SCUBE3: variants seen among roughly 807,000 people sequenced by gnomAD.
SCUBE3 encodes the protein signal peptide, CUB and EGF-like domain-containing protein 3.
SCUBE3 carries 33 observed loss-of-function variants against 116.8 expected under a neutral mutation model. The observed-to-expected ratio is 0.28, with a 90% CI of 0.21 to 0.38. The LOEUF (loss-of-function observed/expected upper bound fraction) is 0.38. SCUBE3 is among the 10% of genes least tolerant of loss of function. The probability of loss-of-function intolerance (pLI) is 1.00; values close to 1 mark genes in which losing one functional copy is unlikely to be tolerated. For synonymous variants in SCUBE3, 418 were observed against 496.9 expected (o/e 0.84, Z 2.11); for missense variants, 1,007 against 1,324.8 (o/e 0.76, Z 3.72).
chr6:35,220,326 C>A (rs1231425088), intron 1 of SCUBE3: 1 of 152,170 alleles, frequency 6.6e-6, no homozygotes. Flanking sequence ...TTGAAGACCA[C>A]GTGAACCAAC....
chr6:35,219,019 C>T lies in SCUBE3; in HGVS notation c.85+4516C>T, dbSNP rs544417646. On this transcript the variant is annotated intron_variant, in intron 1 of 21. Transcript: ENST00000274938. This position sits in a 1 kb window ranked among gnomAD's most constrained non-coding sequence, Gnocchi z 4.7. ...CCTTCCTGCTGAAGGCAGAAGGCGCCGGGCCTCCACAGGTTACTCACCCAA... is the reference window on the plus strand; with the variant it reads ...CCTTCCTGCTGAAGGCAGAAGGCGCTGGGCCTCCACAGGTTACTCACCCAA... Among the ~76,000 whole-genome samples, 22 of 152,250 alleles carry T rather than the reference C, an allele frequency of 1.4e-4. No homozygotes were observed. Among genetic ancestry groups the T allele is most frequent in the South Asian group, 8.3e-4 (4 of 4,820 alleles).
At chr6:35,247,869 C>G (rs1173956125) in intron 21 of SCUBE3, among the ~76,000 whole-genome samples, 1 of 152,158 alleles carries the variant, frequency 6.6e-6, no homozygotes, top group Non-Finnish European at 1.5e-5. Context: ...ACAGGGTGGT[C>G]AGGAAAGGCC....
In SCUBE3 at chr6:35,232,098, C is replaced by T. The variant is rs964617351; in HGVS notation, c.469+239C>T. Among the ~76,000 whole-genome samples, 3 of 152,196 alleles carry T rather than the reference C, an allele frequency of 2.0e-5. No homozygotes were observed. Among genetic ancestry groups the T allele is most frequent in the East Asian group, 1.9e-4 (1 of 5,204 alleles). ...TGGGATTAAGGCTACTATGGAGTATCCTCTGTGTCCAGACCTGAGGTGGAT... is the reference window on the plus strand; with the variant it reads ...TGGGATTAAGGCTACTATGGAGTATTCTCTGTGTCCAGACCTGAGGTGGAT... On this transcript the variant is annotated intron_variant, in intron 4 of 21. Transcript: ENST00000274938. This position sits in a 1 kb window ranked among gnomAD's most constrained non-coding sequence, Gnocchi z 4.2.
chr6:35,239,660 G>A lies in SCUBE3; in HGVS notation c.830-92G>A. On this transcript the variant is annotated intron_variant, in intron 7 of 21. Coordinates refer to ENST00000274938, the MANE Select transcript of SCUBE3 (RefSeq NM_152753.4). The surrounding 1 kb of genome is among the most constrained non-coding windows in gnomAD (Gnocchi z 4.1). Reference sequence around the variant, plus strand: ...GCAGGCCCAGGACTCCTTGATTTTTGCATGTCTCTGTCAGTGAGGGAGGGA... The same window carrying A: ...GCAGGCCCAGGACTCCTTGATTTTTACATGTCTCTGTCAGTGAGGGAGGGA... 8.2e-7 allele frequency: 1 copy of A among 1,219,288 alleles called. No individual in the cohort carries two copies. Among genetic ancestry groups the A allele is most frequent in the South Asian group, 1.3e-5 (1 of 75,342 alleles). 75.5% of individuals were successfully genotyped at this position (1,219,288 alleles called of 1,614,324 possible).
At position 35,244,862 on chromosome 6, in the gene SCUBE3, G is replaced by C. The variant is rs1487435925; in HGVS notation, c.2401+51G>C. ...AAGGGAGGAGAGAGGCCTGGGAGCA[G>C]TGGACATCTAAAGGAGGGGTGTGAA... On this transcript the variant is annotated intron_variant, in intron 18 of 21. Transcript: ENST00000274938. This position sits in a 1 kb window ranked among gnomAD's most constrained non-coding sequence, Gnocchi z 4.3. 6.3e-7 allele frequency: 1 copy of C among 1,580,096 alleles called. No individual in the cohort carries two copies. The highest frequency in any genetic ancestry group is 1.1e-5 in the South Asian group (1 of 89,470).
rs1035198106 is a variant in SCUBE3, at chr6:35,240,094, C to T, written c.952+220C>T. Among the ~76,000 whole-genome samples, 2 of 152,184 alleles carry T rather than the reference C, an allele frequency of 1.3e-5. No homozygotes were observed. Among genetic ancestry groups the T allele is most frequent in the African/African-American group, 4.8e-5 (2 of 41,446 alleles). ...GCAAGGACTGAGGGATGGATTTCAC[C>T]CCAATTCATATCCTTGGCAGAGTAG... On this transcript the variant is annotated intron_variant, in intron 8 of 21. Coordinates refer to ENST00000274938, the MANE Select transcript of SCUBE3 (RefSeq NM_152753.4). The surrounding 1 kb of genome is among the most constrained non-coding windows in gnomAD (Gnocchi z 4.6).
Position 35,228,580 on chromosome 6 carries a change from G to T in SCUBE3, c.209-34G>T. The T allele has an allele frequency of 6.2e-7, 1 of 1,610,224 alleles. No individual in the cohort carries two copies. ...GGGGGTGGACAGTGGGTTCGCAGGT[G>T]GGTTCAGCTGTCTCAGCTTCCCTTT... On this transcript the variant is annotated intron_variant, in intron 2 of 21. Coordinates refer to ENST00000274938, the MANE Select transcript of SCUBE3 (RefSeq NM_152753.4). The surrounding 1 kb of genome is among the most constrained non-coding windows in gnomAD (Gnocchi z 4.9).
At position 35,243,367 on chromosome 6, in the gene SCUBE3, C is replaced by T; in HGVS notation, c.1909+131C>T. On this transcript the variant is annotated intron_variant, in intron 15 of 21. Transcript: ENST00000274938. This position sits in a 1 kb window ranked among gnomAD's most constrained non-coding sequence, Gnocchi z 6.6. ...AGCCAGGATGCTCCTGCCCGCTGTC[C>T]TCCCTTCCTTGGTTCCAGGCTGAAA... is the stretch of plus-strand genomic sequence containing the variant. The T allele has an allele frequency of 1.1e-6, 1 of 893,924 alleles. No individual in the cohort carries two copies. Among genetic ancestry groups the T allele is most frequent in the Non-Finnish European group, 1.7e-6 (1 of 580,666 alleles). The allele number at this position is 893,924 out of a possible 1,614,324, so 55.4% of individuals were successfully genotyped here. A position where few individuals can be genotyped will look rare whatever the true frequency, so the allele number is the denominator to read the frequency against.
rs1399508732 is a variant in SCUBE3 at position 35,228,806 on chromosome 6, C to T, written c.334+67C>T. ...GAGAAAGAGATCTTTTCAGCATTTC[C>T]TATTTCCCAGGGAAGGAGGAGAGAG... On this transcript the variant is annotated intron_variant, in intron 3 of 21. Coordinates refer to ENST00000274938, the MANE Select transcript of SCUBE3 (RefSeq NM_152753.4). The surrounding 1 kb of genome is among the most constrained non-coding windows in gnomAD (Gnocchi z 4.9). 3 of 1,528,258 alleles carry T rather than the reference C, an allele frequency of 2.0e-6. No individual in the cohort carries two copies. The highest frequency in any genetic ancestry group is 1.4e-5 in the African/African-American group (1 of 73,344). The allele number at this position is 1,528,258 out of a possible 1,614,324, so 94.7% of individuals were successfully genotyped here.
At chr6:35,238,051 C>T (rs926574130) in intron 7 of SCUBE3, 33 bp downstream of exon 7, 1 of 1,344,048 alleles carries the variant, frequency 7.4e-7, no homozygotes, top group Non-Finnish European at 1.1e-6. Context: ...AGCAGAGTGA[C>T]CTTTGGTAAG....
chr6:35,236,332 G>A (rs1033467276), intron 6 of SCUBE3, among the ~76,000 whole-genome samples: 1 of 152,222 alleles, frequency 6.6e-6, no homozygotes, highest in African/African-American at 2.4e-5. Flanking sequence ...GATGGACATT[G>A]TGCCAGCTCT....
At chr6:35,227,724 G>C in intron 2 of SCUBE3, 22 bp downstream of exon 2, 1 of 1,613,756 alleles carries the variant, frequency 6.2e-7, no homozygotes, top group Non-Finnish European at 8.5e-7. Context: ...AGGGCACCTG[G>C]AGGAGAGGGA....
rs1335137022 is a variant in SCUBE3 at position 35,249,459 on chromosome 6, C to T, written c.*754C>T. On this transcript the variant is annotated 3_prime_UTR_variant, in exon 22 of 22. Coordinates refer to ENST00000274938, the MANE Select transcript of SCUBE3 (RefSeq NM_152753.4). ...GCTCCCTGAGAGAAAGACTGTAACT[C>T]TGCAGGACAGAAACAAGGTTTTAAA... The T allele has an allele frequency of 6.6e-6, 1 of 152,220 alleles. No homozygotes were observed. The highest frequency in any genetic ancestry group is 2.4e-5 in the African/African-American group (1 of 41,422). 9.4% of individuals were successfully genotyped at this position (152,220 alleles called of 1,614,324 possible).
chr6:35,244,691 C>A lies in SCUBE3; in HGVS notation c.2281C>A (p.Arg761Ser), dbSNP rs200587657. 23 of 1,614,028 alleles carry A rather than the reference C, an allele frequency of 1.4e-5. No individual in the cohort carries two copies. Among genetic ancestry groups the A allele is most frequent in the Admixed American group, 8.3e-5 (5 of 60,004 alleles). The change falls in exon 18 of 22, where the codon CGC (arginine) becomes AGC (serine). Residue 761 changes from arginine (R) to serine (S), a missense_variant. Arg to Ser is a moderately radical substitution (Grantham distance 110, BLOSUM62 -1). Around this residue, in one of 5 missense-constraint regions of SCUBE3, gnomAD observed 544 missense variants for 638.9 expected, o/e 0.85. Transcript: ENST00000274938. The surrounding 1 kb of genome is among the most constrained non-coding windows in gnomAD (Gnocchi z 4.3). Reference sequence around the variant, plus strand: ...GCACTACTACAACACCAGCATCCACCGCTGTATTCGCTGTGCCATGGGCTC... The same window carrying A: ...GCACTACTACAACACCAGCATCCACAGCTGTATTCGCTGTGCCATGGGCTC... ...PGHYYNTSIH[R>S]CIRCAMGSYQ...
intron 1 of SCUBE3, chr6:35,224,087 C>G (rs903566983): frequency 6.6e-6 from 1 of 152,128 alleles, no homozygotes; most frequent in Admixed American, 6.5e-5. Flanking sequence ...AAAATTTGAG[C>G]TGGAATGGAA....
In SCUBE3 at chr6:35,232,989, G is replaced by A. The variant is rs770031842; in HGVS notation, c.595+14G>A. On this transcript the variant is annotated intron_variant, in intron 5 of 21. Transcript: ENST00000274938. This position sits in a 1 kb window ranked among gnomAD's most constrained non-coding sequence, Gnocchi z 4.2. ...GGGACTGTAAATGTGAGATAATTGG[G>A]ATGGCAGGTGGGGCAGTGGGGTCGG... The A allele has an allele frequency of 3.7e-6, 6 of 1,613,570 alleles. No individual in the cohort carries two copies. In the African/African-American group the frequency reaches 4.0e-5, roughly 11 times the overall value.
chr6:35,242,706 G>A lies in SCUBE3; in HGVS notation c.1619G>A (p.Arg540Gln), dbSNP rs751685210. The change falls in exon 14 of 22, where the codon CGG becomes CAG. Residue 540 changes from arginine (R) to glutamine (Q), a missense_variant. By Grantham distance (43) the Arg-to-Gln change is conservative (BLOSUM62 1). This residue lies in a region of SCUBE3 where 544 missense variants were observed against 638.9 expected (regional missense o/e 0.85). Transcript: ENST00000274938. ...SSRKGKGRRA[R>Q]TPPGKEVTRL... Reference sequence around the variant, plus strand: ...CGGAAGGGCAAGGGCCGACGGGCCCGGACCCCTCCAGGCAAAGAGGTCACA... The same window carrying A: ...CGGAAGGGCAAGGGCCGACGGGCCCAGACCCCTCCAGGCAAAGAGGTCACA... 12 of 1,614,016 alleles carry A rather than the reference G, an allele frequency of 7.4e-6. No homozygotes were observed. The highest frequency in any genetic ancestry group is 2.7e-5 in the African/African-American group (2 of 74,932).
chr6:35,242,065 C>T, intron 12 of SCUBE3, 139 bp from the exon 13 acceptor site: 1 of 840,344 alleles, frequency 1.2e-6, no homozygotes, highest in East Asian at 2.4e-5. Context: ...TCTGCCCTAA[C>T]ATCTGATCCC....
At position 35,250,227 on chromosome 6, in the gene SCUBE3, T is replaced by C. The variant is rs577670460; in HGVS notation, c.*1522T>C. The C allele has an allele frequency of 6.6e-6, 1 of 152,406 alleles. No individual in the cohort carries two copies. Among genetic ancestry groups the C allele is most frequent in the Admixed American group, 6.5e-5 (1 of 15,304 alleles). 9.4% of individuals were successfully genotyped at this position (152,406 alleles called of 1,614,324 possible). On this transcript the variant is annotated 3_prime_UTR_variant, in exon 22 of 22. Coordinates refer to ENST00000274938, the MANE Select transcript of SCUBE3 (RefSeq NM_152753.4). ...TGCTAAACCAATCTTGCTATCCCTA[T>C]GCCTCTCCATGGAGTCAGTGTGGAC...
Sources: gnomAD v4.1 joint callset for allele counts (sites outside exome capture counted in the v4.1 genomes callset) on GRCh38, gnomAD v4.1.1 for gene constraint, gnomAD v4.1.1 regional missense constraint, Gnocchi (gnomAD v3.1) non-coding constraint, MANE v1.5 for transcripts, NCBI Gene and HGNC (gene_info 2026-07-23, HGNC 2026-07-21) for gene names.